The following ADK variants were observed in gnomAD, a reference collection of about 807,000 sequenced individuals.
ADK encodes N6,N6-dimethyladenosine kinase.
In ADK, 24 loss-of-function variants were observed where a neutral mutation model predicts 44.7. The ratio of observed to expected loss-of-function variants is 0.54; its 90% CI spans 0.39 to 0.76. The LOEUF (loss-of-function observed/expected upper bound fraction) is 0.76. Ranked by LOEUF, ADK falls within the 30% of genes least tolerant of loss-of-function variation. The probability of loss-of-function intolerance (pLI) is 0.00; values close to 1 mark genes in which losing one functional copy is unlikely to be tolerated. For synonymous variants in ADK, 128 were observed against 142.6 expected, an observed-to-expected ratio of 0.90 and a Z score of 0.73; for missense variants, 321 against 425.1, an observed-to-expected ratio of 0.76 and a Z score of 2.15.
chr10:74,655,148 T>C, intron 9 of ADK: 1 of 302,084 alleles, frequency 3.3e-6, no homozygotes, highest in Non-Finnish European at 6.5e-6. Context: ...ACCCCAAATA[T>C]CATCAGTCAG....
intron 10 of ADK, among the ~76,000 whole-genome samples, chr10:74,706,237 G>A (rs1856599615): frequency 6.6e-6 from 1 of 152,124 alleles, no homozygotes; most frequent in Non-Finnish European, 1.5e-5. Context: ...AGCCATGAGT[G>A]TGCCACTGCA....
chr10:74,492,248 C>A (rs1230211607), intron 6 of ADK, among the ~76,000 whole-genome samples: 1 of 151,812 alleles, frequency 6.6e-6, no homozygotes, highest in African/African-American at 2.4e-5. Flanking sequence ...TCAGTTATAC[C>A]ACTAATACCC....
chr10:74,171,168 A>G (rs888668197), intron 1 of ADK, among the ~76,000 whole-genome samples: 2 of 152,172 alleles, frequency 1.3e-5, no homozygotes, highest in Non-Finnish European at 1.5e-5. Context: ...ATTTCTGGTT[A>G]TTTGGGATAT....
At chr10:74,250,898 T>TTTTTTA (rs1195027016) in intron 3 of ADK, among the ~76,000 whole-genome samples, 105 of 152,126 alleles carry the variant, frequency 6.9e-4, no homozygotes, top group African/African-American at 2.3e-3. Context: ...GGCTGGCCAA[T>TTTTTTA]TTTTTATTTT....
At chr10:74,323,836 C>T (rs965659056) in intron 4 of ADK, among the ~76,000 whole-genome samples, 3 of 152,134 alleles carry the variant, frequency 2.0e-5, no homozygotes, top group Admixed American at 6.5e-5. Flanking sequence ...TCCCAAAGTG[C>T]TGGGATTACA....
intron 7 of ADK, among the ~76,000 whole-genome samples, chr10:74,575,281 C>T (rs939546310): frequency 1.3e-5 from 2 of 152,068 alleles, no homozygotes; most frequent in Non-Finnish European, 2.9e-5. Context: ...AGAGTTTCTG[C>T]ACCAAGAATG....
At chr10:74,294,964 T>G (rs954676196) in intron 3 of ADK, among the ~76,000 whole-genome samples, 1 of 152,094 alleles carries the variant, frequency 6.6e-6, no homozygotes, top group Non-Finnish European at 1.5e-5. Flanking sequence ...CAAGTGATTC[T>G]CCCACCTCAG....
chr10:74,177,006 G>A (rs1478138621), intron 1 of ADK: 11 of 1,369,160 alleles, frequency 8.0e-6, no homozygotes, highest in Non-Finnish European at 9.1e-6. Flanking sequence ...GGTCCCCCTC[G>A]TGTTGGGGGT....
chr10:74,683,220 A>G (rs1564850852), intron 10 of ADK, among the ~76,000 whole-genome samples: 1 of 152,170 alleles, frequency 6.6e-6, no homozygotes, highest in Non-Finnish European at 1.5e-5. Context: ...GTGAACATCT[A>G]AGTAAGTGAG....
chr10:74,663,594 T>C (rs1383097457), intron 9 of ADK, among the ~76,000 whole-genome samples: 1 of 152,188 alleles, frequency 6.6e-6, no homozygotes, highest in South Asian at 2.1e-4. Context: ...TAAGATGTGC[T>C]GTAGGATTCT....
At chr10:74,429,172 T>C (rs1258869155) in intron 6 of ADK, among the ~76,000 whole-genome samples, 2 of 152,192 alleles carry the variant, frequency 1.3e-5, no homozygotes. Flanking sequence ...GGGAAAAACA[T>C]CTTAAAGTAG....
chr10:74,300,296 TTCCTTCCTTCCTTCTTTCCTTCC>T (rs1839974103), intron 3 of ADK, among the ~76,000 whole-genome samples: 1 of 83,770 alleles, frequency 1.2e-5, no homozygotes, highest in African/African-American at 5.2e-5. Context: ...CCTTCCTTCC[TTCCTTCCTTCCTTCTTTCCTTCC>T]TTCCTTCCTT....
intron 1 of ADK, among the ~76,000 whole-genome samples, chr10:74,159,205 C>A (rs902376268): frequency 1.3e-5 from 2 of 152,180 alleles, no homozygotes; most frequent in African/African-American, 4.8e-5. Context: ...TGCATTTTTA[C>A]TTTCATTGCA....
intron 9 of ADK, among the ~76,000 whole-genome samples, chr10:74,626,562 C>A (rs962284694): frequency 1.6e-4 from 25 of 152,134 alleles, no homozygotes; most frequent in African/African-American, 4.8e-4. Context: ...CTCAGCCTCC[C>A]AAAGTGCTGG....
At chr10:74,259,533 C>T (rs1203602042) in intron 3 of ADK, among the ~76,000 whole-genome samples, 1 of 148,948 alleles carries the variant, frequency 6.7e-6, no homozygotes, top group South Asian at 2.1e-4. Context: ...CTCGGCTCAC[C>T]GCAAGCTCCA....
intron 6 of ADK, among the ~76,000 whole-genome samples, chr10:74,440,820 G>A (rs1240962056): frequency 6.6e-6 from 1 of 152,070 alleles, no homozygotes; most frequent in Non-Finnish European, 1.5e-5. Context: ...GCATTATAAA[G>A]GTAATATGAC....
chr10:74,547,795 A>C (rs543052197), intron 7 of ADK, among the ~76,000 whole-genome samples: 39 of 152,290 alleles, frequency 2.6e-4, no homozygotes, highest in African/African-American at 9.1e-4. Flanking sequence ...AATAGCTGGG[A>C]TTACAGGCAT....
intron 6 of ADK, among the ~76,000 whole-genome samples, chr10:74,403,629 T>A (rs1019321195): frequency 2.0e-5 from 3 of 152,068 alleles, no homozygotes; most frequent in Admixed American, 6.6e-5. Flanking sequence ...TGTCCTGATT[T>A]TCCAGGTACC....
At chr10:74,175,429 G>T (rs1255356669) in intron 1 of ADK, among the ~76,000 whole-genome samples, 1 of 150,980 alleles carries the variant, frequency 6.6e-6, no homozygotes, top group Non-Finnish European at 1.5e-5. Context: ...ATTGTGTTTA[G>T]TGGAAAAATA....
Sources: gnomAD v4.1 joint callset for allele counts (sites outside exome capture counted in the v4.1 genomes callset) on GRCh38, gnomAD v4.1.1 for gene constraint, MANE v1.5 for transcripts, NCBI Gene and HGNC (gene_info 2026-07-23, HGNC 2026-07-21) for gene names.